Variants in LRRC40 observed in about 807,000 individuals in gnomAD.
LRRC40 encodes the protein leucine rich repeat containing 40, also known as leucine-rich repeat-containing protein 40.
Under a neutral mutation model 72.8 loss-of-function variants are expected in LRRC40, and 76 were observed. The ratio of observed to expected loss-of-function variants is 1.04; its 90% CI spans 0.87 to 1.26. The LOEUF is 1.26. LRRC40 is among the 50% of genes most tolerant of loss of function. LRRC40 has a pLI of 0.00. For missense variants in LRRC40, 684 were observed against 698.9 expected, an observed-to-expected ratio of 0.98 and a Z score of 0.24; for synonymous variants, 243 against 254.2, an observed-to-expected ratio of 0.96 and a Z score of 0.42.
chr1:70,164,202 C>T (rs1026233155), intron 9 of LRRC40, among the ~76,000 whole-genome samples: 128 of 152,030 alleles, frequency 8.4e-4, no homozygotes, highest in African/African-American at 3.0e-3. Flanking sequence ...ACCAGCCTGA[C>T]CAACATGGAG....
chr1:70,199,696 A>G (rs1403120680), intron 1 of LRRC40, among the ~76,000 whole-genome samples: 1 of 152,218 alleles, frequency 6.6e-6, no homozygotes, highest in African/African-American at 2.4e-5. Flanking sequence ...TATATAATAC[A>G]TATAATATAC....
chr1:70,204,556 T>C (rs1365043577), intron 1 of LRRC40, among the ~76,000 whole-genome samples: 3 of 152,202 alleles, frequency 2.0e-5, no homozygotes, highest in African/African-American at 7.2e-5. Context: ...GTCTTTTCAT[T>C]CATTCAGAAG....
At chr1:70,162,982 T>A (rs993650161) in intron 9 of LRRC40, among the ~76,000 whole-genome samples, 12 of 152,228 alleles carry the variant, frequency 7.9e-5, no homozygotes, top group African/African-American at 2.9e-4. Flanking sequence ...AAACATTATC[T>A]TACAGTTTTG....
At chr1:70,179,989 CA>C (rs1488349924) in intron 5 of LRRC40, among the ~76,000 whole-genome samples, 2 of 151,464 alleles carry the variant, frequency 1.3e-5, no homozygotes, top group Non-Finnish European at 2.9e-5. Flanking sequence ...TGAATGCAGG[CA>C]ATCATTTCTA....
intron 1 of LRRC40, among the ~76,000 whole-genome samples, chr1:70,191,865 T>C (rs1248984359): frequency 2.0e-5 from 3 of 152,154 alleles, no homozygotes; most frequent in African/African-American, 7.2e-5. Flanking sequence ...AACATATACA[T>C]AAATTTAAAG....
intron 2 of LRRC40, among the ~76,000 whole-genome samples, chr1:70,187,660 A>C (rs901550844): frequency 1.8e-4 from 25 of 140,976 alleles, no homozygotes; most frequent in Non-Finnish European, 1.5e-4. Flanking sequence ...CCTTGTCTCT[A>C]CAAAAAAAAA....
At chr1:70,188,569 C>T (rs1191738847) in intron 2 of LRRC40, among the ~76,000 whole-genome samples, 1 of 151,840 alleles carries the variant, frequency 6.6e-6, no homozygotes, top group African/African-American at 2.4e-5. Flanking sequence ...ACCCTCATCT[C>T]TACACACACA....
intron 11 of LRRC40, 94 bp downstream of exon 11, chr1:70,155,595 T>G (rs1343794808): frequency 2.0e-6 from 1 of 495,542 alleles, no homozygotes; most frequent in Non-Finnish European, 3.4e-6. Flanking sequence ...TAGTTTTAAA[T>G]TTAAAAACCA....
intron 11 of LRRC40, among the ~76,000 whole-genome samples, chr1:70,154,119 A>T (rs1667582120): frequency 6.6e-6 from 1 of 152,198 alleles, no homozygotes; most frequent in South Asian, 2.1e-4. Flanking sequence ...TATTTATTCC[A>T]AAATTTTATG....
At chr1:70,192,395 C>G (rs1410431390) in intron 1 of LRRC40, among the ~76,000 whole-genome samples, 2 of 152,046 alleles carry the variant, frequency 1.3e-5, no homozygotes, top group African/African-American at 2.4e-5. Flanking sequence ...CCAGTTTAGA[C>G]AGCAGGATGG....
chr1:70,159,037 A>G (rs999646194), intron 10 of LRRC40, among the ~76,000 whole-genome samples: 6 of 152,044 alleles, frequency 3.9e-5, no homozygotes, highest in Admixed American at 2.0e-4. Context: ...ATATCCTTCT[A>G]TTTCATCATG....
intron 9 of LRRC40, 48 bp from the exon 10 acceptor site, chr1:70,159,486 A>T (rs1048510299): frequency 1.3e-6 from 1 of 797,708 alleles, no homozygotes. Flanking sequence ...CTACAAAGTC[A>T]TTGTTAAAAT....
At chr1:70,184,326 T>C (rs1028509890) in intron 4 of LRRC40, among the ~76,000 whole-genome samples, 4 of 152,024 alleles carry the variant, frequency 2.6e-5, no homozygotes, top group South Asian at 2.1e-4. Context: ...TTAAGGTAAG[T>C]GAAACAATGG....
chr1:70,152,363 A>G (rs1204222646), intron 12 of LRRC40, 70 bp downstream of exon 12: 1 of 803,876 alleles, frequency 1.2e-6, no homozygotes. Context: ...AGGTAAAAAG[A>G]ATAAGTTAGA....
At chr1:70,155,291 A>G (rs779901420) in intron 11 of LRRC40, among the ~76,000 whole-genome samples, 10 of 152,118 alleles carry the variant, frequency 6.6e-5, no homozygotes, top group Non-Finnish European at 1.2e-4. Flanking sequence ...TAAAGCCCCA[A>G]ATGGAAATTC....
At chr1:70,189,560 T>C (rs1011632205) in intron 1 of LRRC40, among the ~76,000 whole-genome samples, 1 of 152,212 alleles carries the variant, frequency 6.6e-6, no homozygotes, top group African/African-American at 2.4e-5. Context: ...GCACATACAC[T>C]GCACAGCACA....
At chr1:70,197,223 A>ACAT (rs1013038402) in intron 1 of LRRC40, among the ~76,000 whole-genome samples, 13 of 142,106 alleles carry the variant, frequency 9.1e-5, no homozygotes, top group African/African-American at 3.4e-4. Flanking sequence ...ACAATGGACA[A>ACAT]CATGGTCCTT....
chr1:70,160,195 A>C (rs1022110866), intron 9 of LRRC40, among the ~76,000 whole-genome samples: 1 of 152,224 alleles, frequency 6.6e-6, no homozygotes. Context: ...GAAAACGATG[A>C]AACAGTCCCA....
intron 9 of LRRC40, among the ~76,000 whole-genome samples, chr1:70,166,662 A>G (rs1008255306): frequency 1.1e-5 from 1 of 95,094 alleles, no homozygotes; most frequent in Non-Finnish European, 2.1e-5. Flanking sequence ...GCTTCTAAAT[A>G]AAAAAAAAAA....
Sources: allele counts gnomAD v4.1 joint callset (sites outside exome capture counted in the v4.1 genomes callset), GRCh38; gene constraint gnomAD v4.1.1; transcripts MANE v1.5; gene names NCBI Gene and HGNC (gene_info 2026-07-23, HGNC 2026-07-21).